The following COL22A1 variants were observed in gnomAD, a reference collection of about 807,000 sequenced individuals.
COL22A1 encodes the protein collagen alpha-1(XXII) chain.
In COL22A1, 221 loss-of-function variants were observed where a neutral mutation model predicts 248.9. The observed-to-expected ratio is 0.89, with a 90% confidence interval of 0.80 to 0.99. The LOEUF (loss-of-function observed/expected upper bound fraction) is 0.99, where lower values mean the gene tolerates loss of function less well. Among genes scored for constraint, COL22A1 ranks in the 50% least tolerant of loss-of-function variants. COL22A1 has a pLI of 0.00. For synonymous variants in COL22A1, 891 were observed against 793.4 expected, an observed-to-expected ratio of 1.12 and a Z score of -2.07; for missense variants, 2,240 against 2,179.0, an observed-to-expected ratio of 1.03 and a Z score of -0.56.
intron 9 of COL22A1, 91 bp from the exon 10 acceptor site, chr8:138,807,903 G>A (rs1817863356): frequency 2.3e-6 from 3 of 1,315,004 alleles, no homozygotes; most frequent in African/African-American, 2.9e-5. Flanking sequence ...CACATGCTTA[G>A]AAGCCAATGG....
chr8:138,724,903 C>T (rs1171061881), intron 24 of COL22A1, among the ~76,000 whole-genome samples: 1 of 152,210 alleles, frequency 6.6e-6, no homozygotes, highest in Non-Finnish European at 1.5e-5. Context: ...TGCCACCTGC[C>T]GGGACAGAGG....
chr8:138,692,230 ATG>A (rs774738024), intron 35 of COL22A1, among the ~76,000 whole-genome samples: 193 of 31,008 alleles, frequency 6.2e-3, no homozygotes, highest in South Asian at 0.013. Flanking sequence ...GTGCACGTGC[ATG>A]TGCATGTTTG....
At chr8:138,907,328 A>C (rs1815104983) in intron 1 of COL22A1, among the ~76,000 whole-genome samples, 1 of 152,220 alleles carries the variant, frequency 6.6e-6, no homozygotes, top group South Asian at 2.1e-4. Context: ...CGTGCTGTGC[A>C]GTGTCTAGCA....
intron 3 of COL22A1, among the ~76,000 whole-genome samples, chr8:138,865,074 G>A: frequency 6.6e-6 from 1 of 152,286 alleles, no homozygotes; most frequent in Middle Eastern, 3.4e-3. Context: ...CATCCCATGT[G>A]TCTATTACAT....
At chr8:138,650,480 T>C (rs1822608118) in intron 45 of COL22A1, among the ~76,000 whole-genome samples, 1 of 152,162 alleles carries the variant, frequency 6.6e-6, no homozygotes, top group African/African-American at 2.4e-5. Flanking sequence ...GATCTTACAG[T>C]TTGGAGCACA....
At chr8:138,656,643 A>T (rs1823296186) in intron 44 of COL22A1, among the ~76,000 whole-genome samples, 1 of 152,174 alleles carries the variant, frequency 6.6e-6, no homozygotes. Context: ...GGTGCAAGGA[A>T]CATAAGGCTA....
In COL22A1 at chr8:138,877,805, G is replaced by A. The variant is rs1265001428; in HGVS notation, c.603C>T (p.Ser201=). 7 of 1,610,408 alleles carry A rather than the reference G, an allele frequency of 4.3e-6. No homozygotes were observed. The African/African-American group carries it at 8.0e-5, about 18-fold the overall frequency. The change falls in exon 3 of 65, where the codon TCC becomes TCT. Residue 201 remains serine, a synonymous_variant. Coordinates refer to ENST00000303045, the MANE Select transcript of COL22A1 (RefSeq NM_152888.3). The part of the protein sequence containing the change: ...EPKSAHVFHV[S]DFNAIDKIRG... Reference sequence around the variant, plus strand: ...GGATCTTGTCGATGGCATTGAAGTCGGACACGTGGAAGACGTGGGCGGACT... The same window carrying A: ...GGATCTTGTCGATGGCATTGAAGTCAGACACGTGGAAGACGTGGGCGGACT...
intron 47 of COL22A1, among the ~76,000 whole-genome samples, chr8:138,639,564 C>T (rs1229689272): frequency 3.9e-5 from 6 of 152,134 alleles, no homozygotes; most frequent in African/African-American, 1.2e-4. Context: ...CTTAATTCCC[C>T]CTGTTGAAAA....
At chr8:138,837,068 A>AG (rs766143458) in intron 4 of COL22A1, among the ~76,000 whole-genome samples, 6 of 152,172 alleles carry the variant, frequency 3.9e-5, no homozygotes, top group Non-Finnish European at 8.8e-5. Context: ...GATTTATTGC[A>AG]GGGGTGTCAT....
At chr8:138,806,000 GTGTGTGACGGTGTAGGTA>G (rs1817594577) in intron 10 of COL22A1, among the ~76,000 whole-genome samples, 3 of 59,006 alleles carry the variant, frequency 5.1e-5, no homozygotes, top group Admixed American at 1.9e-4. Flanking sequence ...GATGGTGTGT[GTGTGTGACGGTGTAGGTA>G]ATGGTGTGTG....
At chr8:138,893,030 T>C (rs1377029764) in intron 1 of COL22A1, among the ~76,000 whole-genome samples, 1 of 152,222 alleles carries the variant, frequency 6.6e-6, no homozygotes, top group African/African-American at 2.4e-5. Flanking sequence ...ACAGTCCTGC[T>C]GAGCTGTCTG....
chr8:138,766,392 G>A (rs1166784222), intron 16 of COL22A1, among the ~76,000 whole-genome samples: 2 of 152,018 alleles, frequency 1.3e-5, no homozygotes, highest in Non-Finnish European at 2.9e-5. Flanking sequence ...AGGGGCGAGA[G>A]GAATGAGAGA....
intron 23 of COL22A1, among the ~76,000 whole-genome samples, chr8:138,732,877 C>T (rs929194528): frequency 6.6e-6 from 1 of 152,104 alleles, no homozygotes; most frequent in Non-Finnish European, 1.5e-5. Flanking sequence ...TCCTAATAAC[C>T]ACCTAGTTCC....
intron 43 of COL22A1, among the ~76,000 whole-genome samples, chr8:138,660,964 G>GCACACACACATA (rs1554736288): frequency 8.9e-5 from 11 of 123,152 alleles, no homozygotes; most frequent in African/African-American, 4.3e-4. Context: ...AGACACACAC[G>GCACACACACATA]CACACACACA....
chr8:138,744,694 G>T lies in COL22A1; in HGVS notation c.2085+6764C>A, dbSNP rs139158467. Among the ~76,000 whole-genome samples the T allele has an allele frequency of 1.8e-3, 272 of 152,356 alleles. 1 individual carries two copies. Among genetic ancestry groups the T allele is most frequent in the Admixed American group, 5.0e-3 (77 of 15,308 alleles). On this transcript the variant is annotated intron_variant, in intron 22 of 64. Coordinates refer to ENST00000303045, the MANE Select transcript of COL22A1 (RefSeq NM_152888.3). ...GCCATACCTCAGAGAGTCCTTGTGG[G>T]AATTAAATGAGAATCATGGGTGCAA...
chr8:138,785,065 G>C (rs1815396715), intron 12 of COL22A1, among the ~76,000 whole-genome samples: 2 of 152,150 alleles, frequency 1.3e-5, no homozygotes, highest in Non-Finnish European at 2.9e-5. Context: ...ATGGCTACCA[G>C]GGAGTCTACA....
In COL22A1 at chr8:138,611,490, G is replaced by A. The variant is rs576311099; in HGVS notation, c.3978+2377C>T. Among the ~76,000 whole-genome samples the A allele has an allele frequency of 5.9e-5, 9 of 152,314 alleles. No individual in the cohort carries two copies. In the South Asian group the frequency reaches 1.5e-3, roughly 25 times the overall value. The stretch of plus-strand genomic sequence containing the variant: ...ACCACCCCACTCCTGGGGGGCTCTG[G>A]AGCAGGGTTTCTCAAATTTTTGTCC... On this transcript the variant is annotated intron_variant, in intron 56 of 64. Coordinates refer to ENST00000303045, the MANE Select transcript of COL22A1 (RefSeq NM_152888.3).
rs1422114694 is a variant in COL22A1, at chr8:138,749,168, C to T, written c.2085+2290G>A. On this transcript the variant is annotated intron_variant, in intron 22 of 64. Coordinates refer to ENST00000303045, the MANE Select transcript of COL22A1 (RefSeq NM_152888.3). ...TTCACCTTTGGCCGTGATTGTGAGG[C>T]CTCCCCAGCCCCATGGAACTGTGAG... Among the ~76,000 whole-genome samples the T allele has an allele frequency of 3.3e-5, 5 of 152,246 alleles. No individual in the cohort carries two copies. The East Asian group carries it at 7.7e-4, about 24-fold the overall frequency.
chr8:138,704,151 C>A (rs1255942905), intron 30 of COL22A1, among the ~76,000 whole-genome samples: 1 of 152,184 alleles, frequency 6.6e-6, no homozygotes, highest in African/African-American at 2.4e-5. Flanking sequence ...TGGAGCCAAC[C>A]ACAGCTTAAG....
Sources: allele counts gnomAD v4.1 joint callset (sites outside exome capture counted in the v4.1 genomes callset), GRCh38; gene constraint gnomAD v4.1.1; transcripts MANE v1.5; gene names NCBI Gene and HGNC (gene_info 2026-07-23, HGNC 2026-07-21).